DCUN1D5: variants seen among roughly 807,000 people sequenced by gnomAD.
DCUN1D5 encodes defective in cullin neddylation 1 domain containing 5.
A neutral mutation model predicts 38.3 loss-of-function variants in DCUN1D5; 10 were observed. The ratio of observed to expected loss-of-function variants is 0.26; its 90% CI spans 0.16 to 0.44. DCUN1D5 has a LOEUF of 0.44. Among genes scored for constraint, DCUN1D5 ranks in the 20% least tolerant of loss-of-function variants. DCUN1D5 has a pLI of 1.00. For synonymous variants in DCUN1D5, 93 were observed against 90.9 expected, an observed-to-expected ratio of 1.02 and a Z score of -0.13; for missense variants, 148 against 275.3, an observed-to-expected ratio of 0.54 and a Z score of 3.27.
chr11:103,063,662 G>C lies in DCUN1D5; in HGVS notation c.658+613C>G, dbSNP rs2510086. Among the ~76,000 whole-genome samples, 9,693 of 152,074 alleles carry C rather than the reference G, an allele frequency of 0.064. 358 individuals are homozygous for C. Among genetic ancestry groups the C allele is most frequent in the South Asian group, 0.13 (631 of 4,828 alleles). ...TGGTTGGAACTGAAAAAAATTTATA[G>C]TTCTACAGAATTAACTTGGTTTATC... On this transcript the variant is annotated intron_variant, in intron 7 of 7. Transcript: ENST00000260247. This position sits in a 1 kb window ranked among gnomAD's most constrained non-coding sequence, Gnocchi z 4.6.
chr11:103,068,757 G>A (rs1333331951), intron 4 of DCUN1D5, among the ~76,000 whole-genome samples: 1 of 151,456 alleles, frequency 6.6e-6, no homozygotes, highest in Non-Finnish European at 1.5e-5. Flanking sequence ...CCTGGGTAAT[G>A]AAATAATCTG....
chr11:103,064,438 T>G lies in DCUN1D5; in HGVS notation c.556-61A>C, dbSNP rs2134602206. ...TTAAACAAACATCATTTACTCAATT[T>G]AGTAAACTAAGTTTTAACTGTTTTT... On this transcript the variant is annotated intron_variant, in intron 6 of 7. Transcript: ENST00000260247. This position sits in a 1 kb window ranked among gnomAD's most constrained non-coding sequence, Gnocchi z 4.5. The G allele has an allele frequency of 7.0e-6, 9 of 1,279,042 alleles. No individual in the cohort carries two copies. The highest frequency in any genetic ancestry group is 9.7e-6 in the Non-Finnish European group (9 of 932,640). 79.2% of individuals were successfully genotyped at this position (1,279,042 alleles called of 1,614,324 possible).
At chr11:103,069,312 T>C (rs1306285954) in intron 4 of DCUN1D5, among the ~76,000 whole-genome samples, 1 of 152,130 alleles carries the variant, frequency 6.6e-6, no homozygotes. Context: ...CTGCCTTTTC[T>C]CTAGCCAAAA....
chr11:103,082,916 A>T (rs1436596972), intron 3 of DCUN1D5, 77 bp from the exon 4 acceptor site: 1 of 1,077,526 alleles, frequency 9.3e-7, no homozygotes, highest in African/African-American at 1.6e-5. Context: ...CATGGAGAGC[A>T]TTTTTACACA....
Position 103,065,262 on chromosome 11 carries a change from G to A in DCUN1D5, c.556-885C>T, listed in dbSNP as rs563011975. ...CACCTCCCTGGTTCAAGCAATTCTC[G>A]TGCCTCAGCCTCCCGAGTAGCTGGG... On this transcript the variant is annotated intron_variant, in intron 6 of 7. Coordinates refer to ENST00000260247, the MANE Select transcript of DCUN1D5 (RefSeq NM_032299.4). The surrounding 1 kb of genome is among the most constrained non-coding windows in gnomAD (Gnocchi z 4.6). 1.3e-4 allele frequency among the ~76,000 whole-genome samples: 20 copies of A among 151,106 alleles called. 1 individual carries two copies. The South Asian group carries it at 1.5e-3, about 11-fold the overall frequency.
chr11:103,082,906 C>A, intron 3 of DCUN1D5, 67 bp from the exon 4 acceptor site: 1 of 1,235,830 alleles, frequency 8.1e-7, no homozygotes, highest in Non-Finnish European at 1.2e-6. Context: ...CTATATTTAT[C>A]ATGGAGAGCA....
rs1433822303 is a variant in DCUN1D5 at position 103,054,346 on chromosome 11, G to A, written c.*8013C>T. The A allele has an allele frequency of 6.6e-6, 1 of 152,110 alleles. No homozygotes were observed. The highest frequency in any genetic ancestry group is 1.9e-4 in the East Asian group (1 of 5,190). The allele number at this position is 152,110 out of a possible 1,614,324, so 9.4% of individuals were successfully genotyped here. The stretch of plus-strand genomic sequence containing the variant: ...AAAGCATCTCTCTAAGGGTAAAAAT[G>A]TGAAAATAAGTTTTTTCAAAGGCCC... On this transcript the variant is annotated 3_prime_UTR_variant, in exon 8 of 8. Transcript: ENST00000260247.
rs796497203 is a variant in DCUN1D5 at position 103,087,876 on chromosome 11, A to C, written c.178+1351T>G. ...ATTTCTATTGTATCTAGTAACCTTT[A>C]TAAGTGAAATAAGATGGGTGACCTT... On this transcript the variant is annotated intron_variant, in intron 2 of 7. Transcript: ENST00000260247. The surrounding 1 kb of genome is among the most constrained non-coding windows in gnomAD (Gnocchi z 4.1). Among the ~76,000 whole-genome samples the C allele has an allele frequency of 1.3e-5, 2 of 152,174 alleles. No homozygotes were observed. Among genetic ancestry groups the C allele is most frequent in the Non-Finnish European group, 2.9e-5 (2 of 68,028 alleles).
intron 1 of DCUN1D5, 46 bp from the exon 2 acceptor site, chr11:103,089,364 C>G: frequency 8.1e-6 from 12 of 1,483,436 alleles, no homozygotes; most frequent in Non-Finnish European, 1.0e-5. Flanking sequence ...CATCTCAACT[C>G]TTAGAGAAAA....
At chr11:103,075,483 G>A (rs994544371) in intron 4 of DCUN1D5, among the ~76,000 whole-genome samples, 1 of 152,140 alleles carries the variant, frequency 6.6e-6, no homozygotes, top group Non-Finnish European at 1.5e-5. Flanking sequence ...CGGGGTTCAA[G>A]TGATTCTTCT....
At position 103,091,351 on chromosome 11, in the gene DCUN1D5, T is replaced by C. The variant is rs1395575784; in HGVS notation, c.86+436A>G. Among the ~76,000 whole-genome samples, 2 of 152,064 alleles carry C rather than the reference T, an allele frequency of 1.3e-5. No homozygotes were observed. The highest frequency in any genetic ancestry group is 2.9e-5 in the Non-Finnish European group (2 of 68,002). On this transcript the variant is annotated intron_variant, in intron 1 of 7. Transcript: ENST00000260247. The surrounding 1 kb of genome is among the most constrained non-coding windows in gnomAD (Gnocchi z 4.3). Reference sequence around the variant, plus strand: ...TTCCCAAGACAGTTGTCAAGATTCCTTATGTTCTGCTTTCTTCACACTCTA... The same window carrying C: ...TTCCCAAGACAGTTGTCAAGATTCCCTATGTTCTGCTTTCTTCACACTCTA...
Position 103,066,612 on chromosome 11 carries a change from C to A in DCUN1D5, c.342-45G>T. Reference sequence around the variant, plus strand: ...AAACAAATTACATAATCAAGAAAATCAAATAAAAGTATCACTGGGGGTTAG... The same window carrying A: ...AAACAAATTACATAATCAAGAAAATAAAATAAAAGTATCACTGGGGGTTAG... On this transcript the variant is annotated intron_variant, in intron 4 of 7. Coordinates refer to ENST00000260247, the MANE Select transcript of DCUN1D5 (RefSeq NM_032299.4). The surrounding 1 kb of genome is among the most constrained non-coding windows in gnomAD (Gnocchi z 4.7). The A allele has an allele frequency of 2.4e-6, 3 of 1,239,962 alleles. No homozygotes were observed. The highest frequency in any genetic ancestry group is 1.8e-5 in the Admixed American group (1 of 55,754). 76.8% of individuals were successfully genotyped at this position (1,239,962 alleles called of 1,614,324 possible).
At position 103,063,778 on chromosome 11, in the gene DCUN1D5, T is replaced by C. The variant is rs568378442; in HGVS notation, c.658+497A>G. ...GGACAGATATTTTAACTTGACGGAT[T>C]GAAAAATTATAACTATTTCACTATC... is the stretch of plus-strand genomic sequence containing the variant. On this transcript the variant is annotated intron_variant, in intron 7 of 7. Coordinates refer to ENST00000260247, the MANE Select transcript of DCUN1D5 (RefSeq NM_032299.4). The surrounding 1 kb of genome is among the most constrained non-coding windows in gnomAD (Gnocchi z 4.6). Among the ~76,000 whole-genome samples the C allele has an allele frequency of 6.6e-6, 1 of 152,310 alleles. No homozygotes were observed. The highest frequency in any genetic ancestry group is 2.4e-5 in the African/African-American group (1 of 41,586).
Position 103,088,927 on chromosome 11 carries a change from T to C in DCUN1D5, c.178+300A>G, listed in dbSNP as rs543607694. ...CAAAAATGTTTTATTGTGTACCTTT[T>C]ATTTTCCAGAATACTACTTTAGCCA... On this transcript the variant is annotated intron_variant, in intron 2 of 7. Transcript: ENST00000260247. Among the ~76,000 whole-genome samples the C allele has an allele frequency of 4.6e-5, 7 of 152,350 alleles. No individual in the cohort carries two copies. In the East Asian group the frequency reaches 1.3e-3, roughly 29 times the overall value.
chr11:103,069,868 C>T (rs938222667), intron 4 of DCUN1D5, among the ~76,000 whole-genome samples: 1 of 152,150 alleles, frequency 6.6e-6, no homozygotes, highest in Admixed American at 6.5e-5. Flanking sequence ...AAAACTGAAG[C>T]TTTAAATACG....
Position 103,050,922 on chromosome 11 carries a change from G to T in DCUN1D5, c.*11437C>A, listed in dbSNP as rs1165401793. 1 of 152,166 alleles carries T rather than the reference G, an allele frequency of 6.6e-6. No individual in the cohort carries two copies. Among genetic ancestry groups the T allele is most frequent in the Non-Finnish European group, 1.5e-5 (1 of 68,018 alleles). The allele number at this position is 152,166 out of a possible 1,614,324, so 9.4% of individuals were successfully genotyped here. ...AAGGTTAGTAGTGTCTCCATGATGGGTAAGGAAAGGGTGTTTCTTTAAAAA... is the reference window on the plus strand; with the variant it reads ...AAGGTTAGTAGTGTCTCCATGATGGTTAAGGAAAGGGTGTTTCTTTAAAAA... On this transcript the variant is annotated 3_prime_UTR_variant, in exon 8 of 8. Coordinates refer to ENST00000260247, the MANE Select transcript of DCUN1D5 (RefSeq NM_032299.4).
chr11:103,062,417 A>G lies in DCUN1D5; in HGVS notation c.659-3T>C. 6.2e-7 allele frequency: 1 copy of G among 1,610,270 alleles called. No homozygotes were observed. Among genetic ancestry groups the G allele is most frequent in the Non-Finnish European group, 8.5e-7 (1 of 1,178,766 alleles). On this transcript the variant is annotated splice_region_variant and splice_polypyrimidine_tract_variant and intron_variant, in intron 7 of 7. Coordinates refer to ENST00000260247, the MANE Select transcript of DCUN1D5 (RefSeq NM_032299.4). The surrounding 1 kb of genome is among the most constrained non-coding windows in gnomAD (Gnocchi z 4.6). ...AAATTCATCAAGAAGAACAGGCCCT[A>G]GAAAAAAAGAAACCATTTTTGTCAG...
At position 103,073,749 on chromosome 11, in the gene DCUN1D5, ATTC is replaced by A. The variant is rs1353065741; in HGVS notation, c.342-7185_342-7183del. Among the ~76,000 whole-genome samples, 2 of 152,220 alleles carry A rather than the reference ATTC, an allele frequency of 1.3e-5. No homozygotes were observed. Among genetic ancestry groups the A allele is most frequent in the African/African-American group, 4.8e-5 (2 of 41,452 alleles). ...CTCATGATATAAGGCTAGGCAAATAATTCTTAGACTTGACATCAAAAGTACAAT... is the reference window on the plus strand; with the variant it reads ...CTCATGATATAAGGCTAGGCAAATAATTAGACTTGACATCAAAAGTACAAT... On this transcript the variant is annotated intron_variant, in intron 4 of 7. Transcript: ENST00000260247. The surrounding 1 kb of genome is among the most constrained non-coding windows in gnomAD (Gnocchi z 4.2).
chr11:103,054,381 G>C lies in DCUN1D5; in HGVS notation c.*7978C>G, dbSNP rs1269188079. 6.6e-6 allele frequency: 1 copy of C among 152,106 alleles called. No homozygotes were observed. The highest frequency in any genetic ancestry group is 2.1e-4 in the South Asian group (1 of 4,834). 9.4% of individuals were successfully genotyped at this position (152,106 alleles called of 1,614,324 possible). A position where few individuals can be genotyped will look rare whatever the true frequency, so the allele number is the denominator to read the frequency against. On this transcript the variant is annotated 3_prime_UTR_variant, in exon 8 of 8. Transcript: ENST00000260247. ...GTTTTTTCAAAGGCCCCAATTCCCT[G>C]ACCGTTTTCTTATTTTTCTCTCTCT...
Sources: gnomAD v4.1 joint callset for allele counts (sites outside exome capture counted in the v4.1 genomes callset) on GRCh38, gnomAD v4.1.1 for gene constraint, Gnocchi (gnomAD v3.1) non-coding constraint, MANE v1.5 for transcripts, NCBI Gene and HGNC (gene_info 2026-07-23, HGNC 2026-07-21) for gene names.